The following SVIL variants were observed in gnomAD, a reference collection of about 807,000 sequenced individuals.
SVIL encodes the protein archvillin.
Under a neutral mutation model 240.4 loss-of-function variants are expected in SVIL, and 101 were observed. The observed-to-expected ratio is 0.42, with a 90% CI of 0.36 to 0.50. The LOEUF (loss-of-function observed/expected upper bound fraction) is 0.50. SVIL is among the 20% of genes least tolerant of loss of function. SVIL has a pLI of 0.01. For synonymous variants in SVIL, 999 were observed against 1,100.0 expected (o/e 0.91, Z 1.82); for missense variants, 2,512 against 2,818.7 (o/e 0.89, Z 2.46).
chr10:29,460,094 A>C (rs1168064604), intron 36 of SVIL, among the ~76,000 whole-genome samples: 1 of 152,072 alleles, frequency 6.6e-6, no homozygotes, highest in African/African-American at 2.4e-5. Flanking sequence ...CCTTTCTCTA[A>C]AAAAAGAAGA....
At chr10:29,595,738 G>A (rs550320167) in intron 1 of SVIL, among the ~76,000 whole-genome samples, 4 of 152,256 alleles carry the variant, frequency 2.6e-5, no homozygotes, top group South Asian at 4.1e-4. Context: ...CAGGCAACGC[G>A]GTCTTCGGTG....
Position 29,473,961 on chromosome 10 carries a change from C to T in SVIL, c.5406G>A (p.Ser1802=), listed in dbSNP as rs754086136. 3.6e-5 allele frequency: 58 copies of T among 1,613,912 alleles called. No homozygotes were observed. The highest frequency in any genetic ancestry group is 1.3e-4 in the South Asian group (12 of 91,062). The stretch of plus-strand genomic sequence containing the variant: ...ACTTCTCTTTGCCGGCTGCCCTCAC[C>T]GAGTGCTCTCCCTTCTGGCGACTTC... The part of the protein sequence containing the change: ...AVGSRQKGEH[S]VRAAGKEKCV... The change falls in exon 30 of 38, where the codon TCG becomes TCA. Residue 1802 remains serine, a synonymous_variant. Transcript: ENST00000355867.
At chr10:29,471,853 A>C (rs1945621904) in intron 30 of SVIL, among the ~76,000 whole-genome samples, 2 of 152,256 alleles carry the variant, frequency 1.3e-5, no homozygotes, top group Admixed American at 1.3e-4. Context: ...ACTGAGAGAA[A>C]GCATTTCTCA....
At chr10:29,595,722 T>C (rs1956557663) in intron 1 of SVIL, among the ~76,000 whole-genome samples, 1 of 152,120 alleles carries the variant, frequency 6.6e-6, no homozygotes, top group Admixed American at 6.5e-5. Flanking sequence ...GCCCATATCG[T>C]CCAAGCAGGC....
At chr10:29,696,516 GT>G (rs1414751845) in intron 1 of SVIL, among the ~76,000 whole-genome samples, 1 of 142,382 alleles carries the variant, frequency 7.0e-6, no homozygotes, top group East Asian at 2.2e-4. Context: ...GGAGCGCCTC[GT>G]CCCGGCCACC....
chr10:29,585,922 C>A (rs1368732985), intron 1 of SVIL, among the ~76,000 whole-genome samples: 2 of 152,260 alleles, frequency 1.3e-5, no homozygotes, highest in Non-Finnish European at 2.9e-5. Context: ...ACTGCCCCAT[C>A]CTGAACGCAG....
rs551274449 is a variant in SVIL, at chr10:29,672,611, T to C, written c.-301+13942A>G. On this transcript the variant is annotated intron_variant, in intron 2 of 35. Coordinates refer to the SVIL transcript ENST00000375400. ...TAAGTGCCCAGCATGGTGCCTGGTA[T>C]TCAGTAGGCAATTAATAATGTTTAT... Among the ~76,000 whole-genome samples, 4 of 152,338 alleles carry C rather than the reference T, an allele frequency of 2.6e-5. No homozygotes were observed. The South Asian group carries it at 6.2e-4, about 24-fold the overall frequency.
At chr10:29,627,323 G>T (rs1422130661) in intron 1 of SVIL, among the ~76,000 whole-genome samples, 1 of 151,980 alleles carries the variant, frequency 6.6e-6, no homozygotes, top group Non-Finnish European at 1.5e-5. Flanking sequence ...TACGTAAAAG[G>T]GGTCTTAAAA....
intron 34 of SVIL, among the ~76,000 whole-genome samples, chr10:29,464,028 T>G (rs946618324): frequency 6.6e-6 from 1 of 152,194 alleles, no homozygotes; most frequent in Non-Finnish European, 1.5e-5. Flanking sequence ...AAGAGCACAA[T>G]CAACACTGGA....
At chr10:29,657,239 C>T (rs947061047) in intron 3 of SVIL, among the ~76,000 whole-genome samples, 2 of 152,178 alleles carry the variant, frequency 1.3e-5, no homozygotes, top group African/African-American at 4.8e-5. Flanking sequence ...TCCCTAGCAT[C>T]TAACACCATC....
chr10:29,525,027 G>A (rs1950807245), intron 13 of SVIL, among the ~76,000 whole-genome samples: 1 of 152,152 alleles, frequency 6.6e-6, no homozygotes, highest in South Asian at 2.1e-4. Context: ...GGCATTGTTA[G>A]TATCGTAATA....
At chr10:29,502,332 C>T (rs1948957067) in intron 17 of SVIL, among the ~76,000 whole-genome samples, 1 of 152,094 alleles carries the variant, frequency 6.6e-6, no homozygotes, top group African/African-American at 2.4e-5. Flanking sequence ...CAATTTAGAA[C>T]TCAAAATGTG....
intron 1 of SVIL, among the ~76,000 whole-genome samples, chr10:29,704,284 C>CGT (rs1160314929): frequency 6.6e-6 from 1 of 152,058 alleles, no homozygotes; most frequent in Non-Finnish European, 1.5e-5. Context: ...CTTGCAGTGT[C>CGT]GTGTGTGTGT....
intron 1 of SVIL, among the ~76,000 whole-genome samples, chr10:29,734,696 G>A (rs1964798810): frequency 6.6e-6 from 1 of 152,200 alleles, no homozygotes; most frequent in Non-Finnish European, 1.5e-5. Flanking sequence ...TTGACTGCGA[G>A]GGGCTAGGGT....
chr10:29,702,897 T>C (rs1962627055), intron 1 of SVIL, among the ~76,000 whole-genome samples: 1 of 152,198 alleles, frequency 6.6e-6, no homozygotes, highest in Non-Finnish European at 1.5e-5. Flanking sequence ...AGAATCGTAC[T>C]GATCTCACTA....
At chr10:29,618,347 C>G (rs1957504432) in intron 1 of SVIL, among the ~76,000 whole-genome samples, 1 of 152,210 alleles carries the variant, frequency 6.6e-6, no homozygotes, top group Non-Finnish European at 1.5e-5. Flanking sequence ...AAAACACCGT[C>G]TTTTCTGACT....
At chr10:29,637,803 C>T (rs564655683), upstream of SVIL, among the ~76,000 whole-genome samples, 1 of 152,330 alleles carries the variant, frequency 6.6e-6, no homozygotes, top group East Asian at 1.9e-4. Flanking sequence ...TTAGTACGTT[C>T]CACGACCTGG....
rs1947406189 is a variant in SVIL at position 29,486,397 on chromosome 10, A to G, written c.4633+13T>C. 1 of 1,613,898 alleles carries G rather than the reference A, an allele frequency of 6.2e-7. No homozygotes were observed. The highest frequency in any genetic ancestry group is 8.5e-7 in the Non-Finnish European group (1 of 1,179,970). On this transcript the variant is annotated intron_variant, in intron 25 of 37. Transcript: ENST00000355867. ...CAAGTCTCGTCAATCTCTGAAGTAC[A>G]ATGAAGTCTTACATTGGTAACTGGT... is the stretch of plus-strand genomic sequence containing the variant.
At chr10:29,498,406 G>T (rs1303484785) in intron 18 of SVIL, among the ~76,000 whole-genome samples, 1 of 151,926 alleles carries the variant, frequency 6.6e-6, no homozygotes, top group Non-Finnish European at 1.5e-5. Context: ...CAACAAGAGT[G>T]AAACTCCGTC....
Sources: gnomAD v4.1 joint callset for allele counts (sites outside exome capture counted in the v4.1 genomes callset) on GRCh38, gnomAD v4.1.1 for gene constraint, MANE v1.5 for transcripts, NCBI Gene and HGNC (gene_info 2026-07-23, HGNC 2026-07-21) for gene names.